MEIS2: variants seen among roughly 807,000 people sequenced by gnomAD.
The protein encoded by MEIS2 is Meis homeobox 2, also known as homeobox protein Meis2.
MEIS2 carries 9 observed loss-of-function variants against 58.6 expected under a neutral mutation model. That is an observed-to-expected ratio of 0.15 (90% CI 0.09 to 0.27). MEIS2 has a LOEUF of 0.27. MEIS2 is among the 10% of genes least tolerant of loss of function. The pLI is 1.00. For synonymous variants in MEIS2, 221 were observed against 228.4 expected, an observed-to-expected ratio of 0.97 and a Z score of 0.29; for missense variants, 427 against 635.0, an observed-to-expected ratio of 0.67 and a Z score of 3.52.
intron 8 of MEIS2, among the ~76,000 whole-genome samples, chr15:37,031,890 G>T (rs2061944293): frequency 6.7e-6 from 1 of 150,056 alleles, no homozygotes; most frequent in African/African-American, 2.4e-5. Flanking sequence ...TTAGGCTGGA[G>T]TACAGTGGTT....
At chr15:37,098,310 G>A (rs1894580529) in intron 1 of MEIS2, 111 bp from the exon 2 acceptor site, 1 of 1,334,308 alleles carries the variant, frequency 7.5e-7, no homozygotes, top group African/African-American at 1.5e-5. Flanking sequence ...AAGAGAGGAA[G>A]GGATAAAGAT....
chr15:37,098,378 G>GT, intron 1 of MEIS2, 179 bp from the exon 2 acceptor site: 2 of 1,103,178 alleles, frequency 1.8e-6, no homozygotes. Flanking sequence ...GGAGGAGAGG[G>GT]GGAGAGAGAG....
chr15:36,890,360 G>A lies in MEIS2; in HGVS notation c.*1813C>T, dbSNP rs2055799841. The A allele has an allele frequency of 6.6e-6, 1 of 152,048 alleles. No homozygotes were observed. Among genetic ancestry groups the A allele is most frequent in the African/African-American group, 2.4e-5 (1 of 41,402 alleles). 9.4% of individuals were successfully genotyped at this position (152,048 alleles called of 1,614,324 possible). ...GAATGTTGCATAAAATTTTGAAAAT[G>A]GCATTATACCGTCCATTTTGTTTTG... On this transcript the variant is annotated 3_prime_UTR_variant, in exon 12 of 12. Coordinates refer to ENST00000561208, the MANE Select transcript of MEIS2 (RefSeq NM_170675.5).
At chr15:37,035,068 C>T (rs1358575409) in intron 8 of MEIS2, among the ~76,000 whole-genome samples, 4 of 152,188 alleles carry the variant, frequency 2.6e-5, no homozygotes, top group Middle Eastern at 3.4e-3. Context: ...TGTTTATTTT[C>T]GACCAAGAAA....
At chr15:37,062,005 C>G (rs997303122) in intron 7 of MEIS2, among the ~76,000 whole-genome samples, 2 of 152,136 alleles carry the variant, frequency 1.3e-5, no homozygotes, top group Non-Finnish European at 1.5e-5. Context: ...TATAGCTAGA[C>G]CAGAACTTGG....
rs115165236 is a variant in MEIS2, at chr15:36,895,047, A to G, written c.1147+104T>C. On this transcript the variant is annotated intron_variant, in intron 11 of 11. Coordinates refer to ENST00000561208, the MANE Select transcript of MEIS2 (RefSeq NM_170675.5). ...AAGCAGGCAGAGCAGGCAGCAGGCA[A>G]ATGTTAAACCCACCATGACAGTGGG... The G allele has an allele frequency of 1.7e-4, 180 of 1,046,478 alleles. No homozygotes were observed. The African/African-American group carries it at 2.3e-3, about 14-fold the overall frequency. The allele number at this position is 1,046,478 out of a possible 1,614,324, so 64.8% of individuals were successfully genotyped here. A position where few individuals can be genotyped will look rare whatever the true frequency, so the allele number is the denominator to read the frequency against.
chr15:37,032,012 T>C (rs2061949339), intron 8 of MEIS2, among the ~76,000 whole-genome samples: 1 of 152,046 alleles, frequency 6.6e-6, no homozygotes, highest in African/African-American at 2.4e-5. Context: ...GCTAAATTTT[T>C]ATTCTTTTGT....
intron 7 of MEIS2, among the ~76,000 whole-genome samples, chr15:37,081,526 G>C (rs1236004158): frequency 1.3e-5 from 2 of 152,144 alleles, no homozygotes; most frequent in Non-Finnish European, 2.9e-5. Flanking sequence ...ATATAGGCAT[G>C]AGTATGACAA....
chr15:37,067,088 CTTTTTTT>C (rs542247552), intron 7 of MEIS2, among the ~76,000 whole-genome samples: 1 of 129,572 alleles, frequency 7.7e-6, no homozygotes. Flanking sequence ...GCAACTAACT[CTTTTTTT>C]TTTTTTTTTT....
intron 11 of MEIS2, chr15:36,894,614 A>G: frequency 1.1e-6 from 1 of 869,586 alleles, no homozygotes; most frequent in Non-Finnish European, 1.8e-6. Flanking sequence ...TTGGAAAGGC[A>G]TGCAGTTATG....
intron 8 of MEIS2, among the ~76,000 whole-genome samples, chr15:37,035,186 C>G (rs1254605916): frequency 1.3e-5 from 2 of 152,200 alleles, no homozygotes; most frequent in Admixed American, 6.5e-5. Context: ...AGTTGCTACT[C>G]TAACCAAACA....
At chr15:37,025,226 TACACTTGC>T (rs1181422036) in intron 8 of MEIS2, among the ~76,000 whole-genome samples, 1 of 152,218 alleles carries the variant, frequency 6.6e-6, no homozygotes, top group African/African-American at 2.4e-5. Flanking sequence ...GACACCAGTT[TACACTTGC>T]ACAGTATTTT....
intron 7 of MEIS2, among the ~76,000 whole-genome samples, chr15:37,069,348 T>A (rs1487339061): frequency 6.6e-6 from 1 of 152,198 alleles, no homozygotes; most frequent in Non-Finnish European, 1.5e-5. Flanking sequence ...GGAAGAACAT[T>A]CTTTAGAGGT....
Position 37,006,135 on chromosome 15 carries a change from A to AT in MEIS2, c.900+30678dup, listed in dbSNP as rs371092792. Among the ~76,000 whole-genome samples the AT allele has an allele frequency of 7.2e-5, 11 of 152,006 alleles. 1 individual carries two copies. Among genetic ancestry groups the AT allele is most frequent in the East Asian group, 3.9e-4 (2 of 5,168 alleles). On this transcript the variant is annotated intron_variant, in intron 8 of 11. Transcript: ENST00000561208. ...TAAATCTTGCCTGTGCATAATACAC[A>AT]TTTTTTTTGCACTATTTGGACCACT...
chr15:36,905,666 A>C (rs955383282), intron 9 of MEIS2, among the ~76,000 whole-genome samples: 5 of 152,220 alleles, frequency 3.3e-5, no homozygotes, highest in African/African-American at 1.2e-4. Flanking sequence ...TTTAAGGTCC[A>C]TAGTAATCTA....
intron 11 of MEIS2, chr15:36,894,803 C>T: frequency 6.2e-7 from 1 of 1,611,832 alleles, no homozygotes; most frequent in Non-Finnish European, 8.5e-7. Context: ...GCCCATTCCA[C>T]TCATAGGTCC....
At chr15:37,007,029 G>A (rs1031010447) in intron 8 of MEIS2, among the ~76,000 whole-genome samples, 5 of 152,188 alleles carry the variant, frequency 3.3e-5, no homozygotes, top group Non-Finnish European at 7.3e-5. Context: ...ATCTCTCTGG[G>A]CATTATGTAC....
intron 8 of MEIS2, among the ~76,000 whole-genome samples, chr15:36,995,750 G>GA (rs2060465470): frequency 2.0e-5 from 1 of 49,356 alleles, no homozygotes; most frequent in Non-Finnish European, 4.2e-5. Context: ...AGAAAAGAAA[G>GA]AAAGAAAGAA....
At chr15:36,961,458 C>A (rs942751176) in intron 8 of MEIS2, among the ~76,000 whole-genome samples, 2 of 152,000 alleles carry the variant, frequency 1.3e-5, no homozygotes, top group South Asian at 2.1e-4. Context: ...AGTATTTAAC[C>A]TTTTGCCACC....
Sources: allele counts gnomAD v4.1 joint callset (sites outside exome capture counted in the v4.1 genomes callset), GRCh38; gene constraint gnomAD v4.1.1; transcripts MANE v1.5; gene names NCBI Gene and HGNC (gene_info 2026-07-23, HGNC 2026-07-21).